FCRLB: variants seen among roughly 807,000 people sequenced by gnomAD.
FCRLB encodes Fc receptor like B.
FCRLB carries 34 observed loss-of-function variants against 33.6 expected under a neutral mutation model. That is an observed-to-expected ratio of 1.01 (90% CI 0.77 to 1.35). The LOEUF is 1.35. Ranked by LOEUF, FCRLB falls within the 40% of genes most tolerant of loss-of-function variation. The probability of loss-of-function intolerance (pLI) is 0.00; values close to 1 mark genes in which losing one functional copy is unlikely to be tolerated. For missense variants in FCRLB, 560 were observed against 580.2 expected (o/e 0.97, Z 0.36); for synonymous variants, 280 against 255.9 (o/e 1.09, Z -0.90).
rs549706716 is a variant in FCRLB at position 161,726,676 on chromosome 1, C to A, written c.575-27C>A. The stretch of plus-strand genomic sequence containing the variant: ...GGTCGCGGAGCGGTGGACAAGCCGG[C>A]GCCGTTGCTCCCCGCCCTCTCCGTA... On this transcript the variant is annotated intron_variant, in intron 6 of 7. Transcript: ENST00000367948. The surrounding 1 kb of genome is among the most constrained non-coding windows in gnomAD (Gnocchi z 5.2). The A allele has an allele frequency of 4.5e-6, 7 of 1,570,530 alleles. No individual in the cohort carries two copies. The African/African-American group carries it at 6.7e-5, about 15-fold the overall frequency.
At chr1:161,723,327 C>T (rs747625570) in intron 4 of FCRLB, 40 bp from the exon 5 acceptor site, 2 of 1,603,348 alleles carry the variant, frequency 1.2e-6, no homozygotes, top group Non-Finnish European at 1.7e-6. Context: ...CCTTGATTCT[C>T]TTTGCATGCT....
chr1:161,724,407 T>C (rs1035695531), intron 5 of FCRLB, among the ~76,000 whole-genome samples: 1 of 131,704 alleles, frequency 7.6e-6, no homozygotes, highest in Admixed American at 8.6e-5. Context: ...CTGGCCAACA[T>C]GGTGAAACAC....
At chr1:161,723,831 C>T (rs1465948055) in intron 5 of FCRLB, among the ~76,000 whole-genome samples, 2 of 152,188 alleles carry the variant, frequency 1.3e-5, no homozygotes, top group Non-Finnish European at 1.5e-5. Flanking sequence ...GTCCCCTTAC[C>T]CTCCTGCCAT....
intron 5 of FCRLB, among the ~76,000 whole-genome samples, chr1:161,725,424 T>C (rs1279167261): frequency 1.3e-5 from 2 of 152,152 alleles, no homozygotes; most frequent in African/African-American, 4.8e-5. Flanking sequence ...GCGTATCACC[T>C]GAGGTCAGGA....
intron 5 of FCRLB, among the ~76,000 whole-genome samples, chr1:161,725,187 T>G (rs1376170605): frequency 1.3e-5 from 2 of 152,208 alleles, no homozygotes; most frequent in Non-Finnish European, 2.9e-5. Flanking sequence ...TTGATTCTCA[T>G]GGTCAAAACC....
In FCRLB at chr1:161,726,229, T is replaced by G; in HGVS notation, c.574+142T>G. The G allele has an allele frequency of 7.2e-7, 1 of 1,386,238 alleles. No homozygotes were observed. The highest frequency in any genetic ancestry group is 1.0e-6 in the Non-Finnish European group (1 of 1,001,128). 85.9% of individuals were successfully genotyped at this position (1,386,238 alleles called of 1,614,324 possible). On this transcript the variant is annotated intron_variant, in intron 6 of 7. Coordinates refer to ENST00000367948, the Ensembl canonical transcript of FCRLB. The surrounding 1 kb of genome is among the most constrained non-coding windows in gnomAD (Gnocchi z 5.2). ...CTCTTAGACTATGGACGCTGTCTCC[T>G]CTCCTTTGCCGTGAAGCAGCGCTTG...
chr1:161,726,393 T>G lies in FCRLB; in HGVS notation c.574+306T>G. ...GGACTGGGACGAAGGAGCGACTCCC[T>G]AGCGTCCTGCAAGGCAGGCGCAGCG... On this transcript the variant is annotated intron_variant, in intron 6 of 7. Transcript: ENST00000367948. The surrounding 1 kb of genome is among the most constrained non-coding windows in gnomAD (Gnocchi z 5.2). The G allele has an allele frequency of 1.4e-6, 1 of 717,868 alleles. No individual in the cohort carries two copies. The allele number at this position is 717,868 out of a possible 1,614,324, so 44.5% of individuals were successfully genotyped here.
intron 7 of FCRLB, 24 bp downstream of exon 7, chr1:161,727,017 G>A (rs1486181956): frequency 2.0e-6 from 3 of 1,481,586 alleles, no homozygotes; most frequent in Non-Finnish European, 2.7e-6. Flanking sequence ...CACCCTCCCG[G>A]ACGCCGACCC....
rs536465503 is a variant in FCRLB at position 161,726,153 on chromosome 1, C to T, written c.574+66C>T. ...ATTGAGAAATTCTGGGACAGGAGCTCGGCGAGAAAAGAAGGGGCGGAAGTT... is the reference window on the plus strand; with the variant it reads ...ATTGAGAAATTCTGGGACAGGAGCTTGGCGAGAAAAGAAGGGGCGGAAGTT... On this transcript the variant is annotated intron_variant, in intron 6 of 7. Transcript: ENST00000367948. The surrounding 1 kb of genome is among the most constrained non-coding windows in gnomAD (Gnocchi z 5.2). The T allele has an allele frequency of 4.9e-4, 785 of 1,609,180 alleles. 1 individual carries two copies. Among genetic ancestry groups the T allele is most frequent in the Non-Finnish European group, 6.0e-4 (708 of 1,177,510 alleles).
At chr1:161,722,818 T>G in intron 3 of FCRLB, 115 bp downstream of exon 3, 1 of 1,508,870 alleles carries the variant, frequency 6.6e-7, no homozygotes, top group South Asian at 1.2e-5. Flanking sequence ...GTTCATTATC[T>G]TTTTTTGGAG....
Position 161,726,295 on chromosome 1 carries a change from A to T in FCRLB, c.574+208A>T. On this transcript the variant is annotated intron_variant, in intron 6 of 7. Transcript: ENST00000367948. The surrounding 1 kb of genome is among the most constrained non-coding windows in gnomAD (Gnocchi z 5.2). ...GGAGGCTGGTCCCTTTCCCCGACGC[A>T]CATCCTGGCTTCTCACTCTGGCTGG... 3 of 922,352 alleles carry T rather than the reference A, an allele frequency of 3.3e-6. No individual in the cohort carries two copies. The highest frequency in any genetic ancestry group is 5.1e-6 in the Non-Finnish European group (3 of 587,266). The allele number at this position is 922,352 out of a possible 1,614,324, so 57.1% of individuals were successfully genotyped here.
At chr1:161,727,785 GC>G in exon 8 of FCRLB, 1 of 1,259,166 alleles carries the variant, frequency 7.9e-7, no homozygotes, top group Non-Finnish European at 1.1e-6. Flanking sequence ...TTAAAGGAGC[GC>G]CCACGAAGTG....
chr1:161,727,542 G>C (rs200143127), exon 8 of FCRLB: 3 of 1,614,172 alleles, frequency 1.9e-6, no homozygotes, highest in Non-Finnish European at 2.5e-6. Context: ...TTCTGAGCCG[G>C]GTGGTCCTGG....
Position 161,726,853 on chromosome 1 carries a change from C to T in FCRLB, c.725C>T (p.Ala242Val). ...TTCGCGTTTTACAAGTACAGCCGCG[C>T]GGTGCGCCGCTTCGACTGGGGCGCC... The change falls in exon 7 of 8, where the codon GCG (alanine) becomes GTG (valine). Residue 242 changes from alanine to valine, a missense_variant. Ala to Val is a moderately conservative substitution (Grantham distance 64, BLOSUM62 0). Coordinates refer to ENST00000367948, the Ensembl canonical transcript of FCRLB. The surrounding 1 kb of genome is among the most constrained non-coding windows in gnomAD (Gnocchi z 5.2). 6.3e-7 allele frequency: 1 copy of T among 1,574,872 alleles called. No individual in the cohort carries two copies. The highest frequency in any genetic ancestry group is 1.4e-5 in the African/African-American group (1 of 73,874).
intron 5 of FCRLB, 35 bp downstream of exon 5, chr1:161,723,656 G>C: frequency 1.9e-6 from 3 of 1,598,582 alleles, no homozygotes; most frequent in Non-Finnish European, 2.6e-6. Context: ...GGGGGAGCAC[G>C]TGTCTCCTCT....
At position 161,726,620 on chromosome 1, in the gene FCRLB, A is replaced by G. The variant is rs1279780789; in HGVS notation, c.575-83A>G. On this transcript the variant is annotated intron_variant, in intron 6 of 7. Coordinates refer to ENST00000367948, the Ensembl canonical transcript of FCRLB. This position sits in a 1 kb window ranked among gnomAD's most constrained non-coding sequence, Gnocchi z 5.2. ...TCCCCCCTTGGTCTGTGGGTCTGCA[A>G]GGAGCCCTCGCGGGAAGCAGGAAGG... The G allele has an allele frequency of 6.5e-7, 1 of 1,529,670 alleles. No homozygotes were observed. The allele number at this position is 1,529,670 out of a possible 1,614,324, so 94.8% of individuals were successfully genotyped here.
chr1:161,725,970 T>A (rs1683540665), exon 6 of FCRLB: 1 of 1,614,110 alleles, frequency 6.2e-7, no homozygotes, highest in South Asian at 1.1e-5. Flanking sequence ...CAGCGCCAAC[T>A]ACACTGTGTT....
At chr1:161,724,161 A>C (rs969408697) in intron 5 of FCRLB, among the ~76,000 whole-genome samples, 2 of 152,240 alleles carry the variant, frequency 1.3e-5, no homozygotes, top group African/African-American at 4.8e-5. Flanking sequence ...AAAAGCAGCA[A>C]TTGAACTGAG....
chr1:161,725,695 C>T, intron 5 of FCRLB, 126 bp from the exon 6 acceptor site: 3 of 1,116,496 alleles, frequency 2.7e-6, no homozygotes, highest in South Asian at 1.6e-5. Flanking sequence ...GAAAAGAAAG[C>T]GGTGGGAGAT....
Sources: allele counts gnomAD v4.1 joint callset (sites outside exome capture counted in the v4.1 genomes callset), GRCh38; gene constraint gnomAD v4.1.1; non-coding constraint Gnocchi (gnomAD v3.1); transcripts MANE v1.5; gene names NCBI Gene and HGNC (gene_info 2026-07-23, HGNC 2026-07-21).